SNX31: variants seen among roughly 807,000 people sequenced by gnomAD.
SNX31 encodes the protein sorting nexin-31.
SNX31 carries 58 observed loss-of-function variants against 65.4 expected under a neutral mutation model. That is an observed-to-expected ratio of 0.89 (90% confidence interval 0.72 to 1.10). The LOEUF is 1.10. Ranked by LOEUF, SNX31 falls within the 50% of genes least tolerant of loss-of-function variation. The pLI, the probability that SNX31 is intolerant of heterozygous loss-of-function variation, is 0.00. For missense variants in SNX31, 523 were observed against 529.7 expected, an observed-to-expected ratio of 0.99 and a Z score of 0.12; for synonymous variants, 181 against 190.1, an observed-to-expected ratio of 0.95 and a Z score of 0.39.
chr8:100,651,090 G>A (rs1819959567), upstream of SNX31, among the ~76,000 whole-genome samples: 2 of 152,302 alleles, frequency 1.3e-5, no homozygotes, highest in South Asian at 4.1e-4. Flanking sequence ...GACCTCAGGT[G>A]ATCTGTCCAC....
intron 7 of SNX31, among the ~76,000 whole-genome samples, chr8:100,611,103 T>C (rs777319444): frequency 1.2e-4 from 18 of 152,178 alleles, no homozygotes; most frequent in Non-Finnish European, 2.2e-4. Context: ...GATACTTGTG[T>C]CCTACCTATC....
Position 100,575,426 on chromosome 8 carries a change from T to C in SNX31, c.1228-1466A>G, listed in dbSNP as rs1812967093. On this transcript the variant is annotated intron_variant, in intron 13 of 13. Coordinates refer to ENST00000311812, the MANE Select transcript of SNX31 (RefSeq NM_152628.4). This position sits in a 1 kb window ranked among gnomAD's most constrained non-coding sequence, Gnocchi z 5.1. ...GTTTGCAAAATAAATTAAAACTCAA[T>C]ATAGTTGGACACTAGGTCTCTTTCC... Among the ~76,000 whole-genome samples the C allele has an allele frequency of 6.6e-6, 1 of 152,196 alleles. No individual in the cohort carries two copies.
chr8:100,649,582 A>C lies in SNX31; in HGVS notation c.-68T>G. 1 of 1,448,076 alleles carries C rather than the reference A, an allele frequency of 6.9e-7. No homozygotes were observed. Among genetic ancestry groups the C allele is most frequent in the Non-Finnish European group, 9.4e-7 (1 of 1,059,952 alleles). 89.7% of individuals were successfully genotyped at this position (1,448,076 alleles called of 1,614,324 possible). On this transcript the variant is annotated 5_prime_UTR_variant, in exon 1 of 14. Coordinates refer to ENST00000311812, the MANE Select transcript of SNX31 (RefSeq NM_152628.4). The stretch of plus-strand genomic sequence containing the variant: ...CGGCGGCGGGCGGTGCGCGGCTCTG[A>C]ACTCGGCAGCGGTGGACGCAGCGCG...
chr8:100,630,268 G>A lies in SNX31; in HGVS notation c.321+59C>T, dbSNP rs563083760. The stretch of plus-strand genomic sequence containing the variant: ...CACATGTGTGTGTACCTGCACACTT[G>A]GTTCATGAAGAGTGTCCTGCAGAGG... On this transcript the variant is annotated intron_variant, in intron 4 of 13. Coordinates refer to ENST00000311812, the MANE Select transcript of SNX31 (RefSeq NM_152628.4). The surrounding 1 kb of genome is among the most constrained non-coding windows in gnomAD (Gnocchi z 5.3). The A allele has an allele frequency of 4.2e-4, 640 of 1,521,872 alleles. 1 individual carries two copies. Among genetic ancestry groups the A allele is most frequent in the Admixed American group, 4.1e-4 (24 of 59,230 alleles). The allele number at this position is 1,521,872 out of a possible 1,614,324, so 94.3% of individuals were successfully genotyped here.
chr8:100,580,206 C>T (rs1813377879), intron 12 of SNX31, among the ~76,000 whole-genome samples: 1 of 150,152 alleles, frequency 6.7e-6, no homozygotes, highest in Non-Finnish European at 1.5e-5. Flanking sequence ...AAATAATTGA[C>T]CAGCATACTC....
chr8:100,595,185 T>C (rs1481176707), intron 10 of SNX31, among the ~76,000 whole-genome samples: 2 of 152,174 alleles, frequency 1.3e-5, no homozygotes, highest in Non-Finnish European at 2.9e-5. Flanking sequence ...GCTAAGATCA[T>C]ACAATATATT....
At chr8:100,650,356 A>T (rs1192845837), upstream of SNX31, among the ~76,000 whole-genome samples, 1 of 152,072 alleles carries the variant, frequency 6.6e-6, no homozygotes, top group African/African-American at 2.4e-5. Context: ...TCTCTCCTTT[A>T]ATCTACCCGT....
In SNX31 at chr8:100,660,637, C is replaced by T. The variant is rs147658840; in HGVS notation, c.-58+2505G>A. 6.6e-6 allele frequency among the ~76,000 whole-genome samples: 1 copy of T among 152,260 alleles called. No individual in the cohort carries two copies. Among genetic ancestry groups the T allele is most frequent in the East Asian group, 1.9e-4 (1 of 5,186 alleles). On this transcript the variant is annotated intron_variant, in intron 1 of 5. Coordinates refer to the SNX31 transcript ENST00000520352. This position sits in a 1 kb window ranked among gnomAD's most constrained non-coding sequence, Gnocchi z 4.1. ...GGTCAAACTTGATGCCCAGAAAGTT[C>T]CTATATTCAGCCTTCCCCACTAACA... is the stretch of plus-strand genomic sequence containing the variant.
chr8:100,644,640 C>T lies in SNX31; in HGVS notation c.141+4634G>A, dbSNP rs117737297. Among the ~76,000 whole-genome samples, 177 of 152,274 alleles carry T rather than the reference C, an allele frequency of 1.2e-3. 4 individuals are homozygous for T. In the East Asian group the frequency reaches 0.028, roughly 24 times the overall value. On this transcript the variant is annotated intron_variant, in intron 2 of 13. Coordinates refer to ENST00000311812, the MANE Select transcript of SNX31 (RefSeq NM_152628.4). ...GCAGAGCCCATGGAAACACATCCAC[C>T]TCTTCCCAAGGTCCAGCTTTTCTTT...
intron 5 of SNX31, among the ~76,000 whole-genome samples, chr8:100,616,264 T>C (rs1586962221): frequency 6.6e-6 from 1 of 152,258 alleles, no homozygotes; most frequent in African/African-American, 2.4e-5. Flanking sequence ...ACCACTGGCT[T>C]CAGCTGCAGG....
At chr8:100,589,492 C>T (rs961072077) in intron 10 of SNX31, among the ~76,000 whole-genome samples, 4 of 152,052 alleles carry the variant, frequency 2.6e-5, no homozygotes, top group African/African-American at 7.3e-5. Context: ...GGCACCTAAC[C>T]CAGGCTAGGA....
chr8:100,612,892 CA>C lies in SNX31; in HGVS notation c.523+102del. The C allele has an allele frequency of 1.1e-6, 1 of 947,280 alleles. No individual in the cohort carries two copies. The highest frequency in any genetic ancestry group is 1.7e-6 in the Non-Finnish European group (1 of 579,218). 58.7% of individuals were successfully genotyped at this position (947,280 alleles called of 1,614,324 possible). A position where few individuals can be genotyped will look rare whatever the true frequency, so the allele number is the denominator to read the frequency against. On this transcript the variant is annotated intron_variant, in intron 6 of 13. Coordinates refer to ENST00000311812, the MANE Select transcript of SNX31 (RefSeq NM_152628.4). The surrounding 1 kb of genome is among the most constrained non-coding windows in gnomAD (Gnocchi z 4.3). ...TGACTGAGAACAGTGGTAGGGATCA[CA>C]GCCCAGTGGGTGGCCAGCCCCTCAG...
At chr8:100,621,478 C>T (rs1285848980) in intron 4 of SNX31, among the ~76,000 whole-genome samples, 1 of 152,202 alleles carries the variant, frequency 6.6e-6, no homozygotes, top group Non-Finnish European at 1.5e-5. Context: ...GTCTTTTCAA[C>T]ACTCATATCC....
At chr8:100,577,320 G>A (rs1813129027) in intron 12 of SNX31, among the ~76,000 whole-genome samples, 1 of 152,190 alleles carries the variant, frequency 6.6e-6, no homozygotes, top group African/African-American at 2.4e-5. Flanking sequence ...GGTTGCCTAT[G>A]GATTTTGTGA....
intron 12 of SNX31, among the ~76,000 whole-genome samples, chr8:100,581,355 A>G (rs768464239): frequency 7.2e-6 from 1 of 139,172 alleles, no homozygotes; most frequent in African/African-American, 3.1e-5. Context: ...ATATATATAT[A>G]TAATTTAAGA....
intron 12 of SNX31, among the ~76,000 whole-genome samples, chr8:100,581,579 A>T (rs189966009): frequency 1.3e-5 from 2 of 152,120 alleles, no homozygotes; most frequent in Admixed American, 1.3e-4. Flanking sequence ...ATCTGCTTCT[A>T]GGGATGATCT....
chr8:100,574,044 G>T, intron 13 of SNX31, 84 bp from the exon 14 acceptor site: 1 of 716,738 alleles, frequency 1.4e-6, no homozygotes, highest in Non-Finnish European at 2.2e-6. Flanking sequence ...GGTTAAAACA[G>T]TATTGAAAGG....
chr8:100,611,976 C>T (rs750834771), intron 7 of SNX31, 24 bp downstream of exon 7: 32 of 1,591,400 alleles, frequency 2.0e-5, no homozygotes, highest in Non-Finnish European at 2.7e-5. Context: ...TCAAACGCCT[C>T]TGTCACTTTC....
At chr8:100,586,844 T>C (rs1186806585) in intron 11 of SNX31, among the ~76,000 whole-genome samples, 1 of 152,246 alleles carries the variant, frequency 6.6e-6, no homozygotes, top group African/African-American at 2.4e-5. Flanking sequence ...ATGACATCGA[T>C]GCAAAGAGTA....
Sources: allele counts gnomAD v4.1 joint callset (sites outside exome capture counted in the v4.1 genomes callset), GRCh38; gene constraint gnomAD v4.1.1; non-coding constraint Gnocchi (gnomAD v3.1); transcripts MANE v1.5; gene names NCBI Gene and HGNC (gene_info 2026-07-23, HGNC 2026-07-21).